Variants in TMEM132D observed in about 807,000 individuals in gnomAD.
TMEM132D encodes the protein mature OL transmembrane protein.
Under a neutral mutation model 62.3 loss-of-function variants are expected in TMEM132D, and 21 were observed. The observed-to-expected ratio is 0.34, with a 90% CI of 0.24 to 0.49. The LOEUF (loss-of-function observed/expected upper bound fraction) is 0.49. Among genes scored for constraint, TMEM132D ranks in the 20% least tolerant of loss-of-function variants. The pLI, the probability that TMEM132D is intolerant of heterozygous loss-of-function variation, is 0.99. For synonymous variants in TMEM132D, 621 were observed against 575.6 expected (o/e 1.08, Z -1.13); for missense variants, 1,346 against 1,402.8 (o/e 0.96, Z 0.65).
chr12:129,207,765 T>A (rs961153630), intron 5 of TMEM132D, among the ~76,000 whole-genome samples: 7 of 149,006 alleles, frequency 4.7e-5, no homozygotes, highest in African/African-American at 1.2e-4. Flanking sequence ...GAATTTTTTT[T>A]ATATAAAAAA....
chr12:129,552,772 T>A (rs1566107418), intron 2 of TMEM132D, among the ~76,000 whole-genome samples: 2 of 152,318 alleles, frequency 1.3e-5, no homozygotes, highest in Admixed American at 6.5e-5. Flanking sequence ...CTAGCATCTA[T>A]CTAGCTACGT....
chr12:129,468,841 A>G (rs763563559), intron 3 of TMEM132D, among the ~76,000 whole-genome samples: 1 of 152,212 alleles, frequency 6.6e-6, no homozygotes, highest in Non-Finnish European at 1.5e-5. Context: ...CATTTTTATG[A>G]TTTGATAAAT....
At chr12:129,562,894 G>A (rs1408471201) in intron 2 of TMEM132D, among the ~76,000 whole-genome samples, 2 of 152,174 alleles carry the variant, frequency 1.3e-5, no homozygotes, top group Non-Finnish European at 2.9e-5. Flanking sequence ...AATCTGCTTT[G>A]ACCAAATCAG....
At chr12:129,416,482 A>G (rs528026166) in intron 3 of TMEM132D, among the ~76,000 whole-genome samples, 16 of 152,316 alleles carry the variant, frequency 1.1e-4, no homozygotes, top group Admixed American at 9.2e-4. Context: ...TAAACATACA[A>G]TCATGTCATC....
intron 1 of TMEM132D, among the ~76,000 whole-genome samples, chr12:129,811,451 A>G (rs1222644436): frequency 6.6e-6 from 1 of 151,490 alleles, no homozygotes; most frequent in Non-Finnish European, 1.5e-5. Flanking sequence ...ATTCTCAGGG[A>G]CCTCAAGCAA....
At chr12:129,744,671 A>G (rs1268777467) in intron 1 of TMEM132D, among the ~76,000 whole-genome samples, 1 of 152,120 alleles carries the variant, frequency 6.6e-6, no homozygotes, top group Admixed American at 6.6e-5. Context: ...CTTGAGAGTG[A>G]GCACTTCCCT....
intron 3 of TMEM132D, among the ~76,000 whole-genome samples, chr12:129,527,255 G>A (rs1456978694): frequency 6.6e-6 from 1 of 152,170 alleles, no homozygotes; most frequent in Non-Finnish European, 1.5e-5. Context: ...GCTGCAGTGA[G>A]CCAAGATCGC....
At chr12:129,829,742 A>G (rs1872772996) in intron 1 of TMEM132D, among the ~76,000 whole-genome samples, 1 of 152,104 alleles carries the variant, frequency 6.6e-6, no homozygotes, top group Non-Finnish European at 1.5e-5. Context: ...TGAAGCATCA[A>G]CCTTGTTCCT....
intron 2 of TMEM132D, among the ~76,000 whole-genome samples, chr12:129,539,752 A>T (rs1169047568): frequency 6.6e-6 from 1 of 152,046 alleles, no homozygotes; most frequent in African/African-American, 2.4e-5. Flanking sequence ...CAGAAAGCAA[A>T]ACCTTGGATT....
intron 5 of TMEM132D, among the ~76,000 whole-genome samples, chr12:129,198,411 C>G (rs555404435): frequency 1.3e-5 from 2 of 152,220 alleles, no homozygotes; most frequent in African/African-American, 4.8e-5. Context: ...TGGAATCAAT[C>G]TAAGTGTCCA....
chr12:129,256,735 T>G (rs2135593304), intron 4 of TMEM132D, among the ~76,000 whole-genome samples: 1 of 152,322 alleles, frequency 6.6e-6, no homozygotes, highest in South Asian at 2.1e-4. Flanking sequence ...TTTTGTATTT[T>G]TAGTAGAGAC....
intron 4 of TMEM132D, among the ~76,000 whole-genome samples, chr12:129,291,961 G>A (rs540665531): frequency 1.6e-4 from 24 of 152,150 alleles, no homozygotes; most frequent in Admixed American, 4.6e-4. Flanking sequence ...GGGATGGGGG[G>A]AGTAAAATGG....
chr12:129,553,630 A>G (rs1876965500), intron 2 of TMEM132D, among the ~76,000 whole-genome samples: 1 of 152,192 alleles, frequency 6.6e-6, no homozygotes, highest in Non-Finnish European at 1.5e-5. Context: ...AGCTCCCAAC[A>G]TGACAGCATT....
chr12:129,519,313 T>C (rs923619159), intron 3 of TMEM132D, among the ~76,000 whole-genome samples: 2 of 152,162 alleles, frequency 1.3e-5, no homozygotes, highest in Non-Finnish European at 2.9e-5. Flanking sequence ...ATCTTCATAG[T>C]CTATTGGATT....
At chr12:129,374,744 A>T (rs2135682906) in intron 3 of TMEM132D, among the ~76,000 whole-genome samples, 1 of 152,304 alleles carries the variant, frequency 6.6e-6, no homozygotes, top group East Asian at 1.9e-4. Flanking sequence ...ACTGTTAGAC[A>T]CAGCTTGCCT....
intron 1 of TMEM132D, among the ~76,000 whole-genome samples, chr12:129,805,747 G>T (rs1262603380): frequency 2.7e-5 from 4 of 150,126 alleles, no homozygotes; most frequent in Non-Finnish European, 5.9e-5. Flanking sequence ...CCATCAGAGT[G>T]AACAGGCAAC....
intron 1 of TMEM132D, among the ~76,000 whole-genome samples, chr12:129,723,070 T>C (rs1265953590): frequency 6.6e-6 from 1 of 152,104 alleles, no homozygotes; most frequent in African/African-American, 2.4e-5. Context: ...TGACCCTCTG[T>C]GCCAGGTAAG....
At chr12:129,205,494 A>C (rs1878820067) in intron 5 of TMEM132D, among the ~76,000 whole-genome samples, 2 of 152,338 alleles carry the variant, frequency 1.3e-5, no homozygotes, top group Admixed American at 6.5e-5. Context: ...CATCCAATTC[A>C]GGGGCATCCA....
chr12:129,160,562 A>C (rs561223245), intron 5 of TMEM132D, among the ~76,000 whole-genome samples: 13 of 152,350 alleles, frequency 8.5e-5, no homozygotes, highest in African/African-American at 3.1e-4. Flanking sequence ...CAAGCCATAG[A>C]GAGAGACTGA....
Sources: allele counts gnomAD v4.1 joint callset (sites outside exome capture counted in the v4.1 genomes callset), GRCh38; gene constraint gnomAD v4.1.1; transcripts MANE v1.5; gene names NCBI Gene and HGNC (gene_info 2026-07-23, HGNC 2026-07-21).